The following AFF3 variants were observed in gnomAD, a reference collection of about 807,000 sequenced individuals.
The protein encoded by AFF3 is ALF transcription elongation factor 3.
A neutral mutation model predicts 129.7 loss-of-function variants in AFF3; 32 were observed. The ratio of observed to expected loss-of-function variants is 0.25; its 90% CI spans 0.19 to 0.33. The LOEUF (loss-of-function observed/expected upper bound fraction) is 0.33. Among genes scored for constraint, AFF3 ranks in the 10% least tolerant of loss-of-function variants. The pLI is 1.00. For synonymous variants in AFF3, 644 were observed against 635.4 expected (o/e 1.01, Z -0.20); for missense variants, 1,373 against 1,592.0 (o/e 0.86, Z 2.34).
At chr2:100,038,874 G>A (rs1337192757) in intron 4 of AFF3, among the ~76,000 whole-genome samples, 1 of 151,434 alleles carries the variant, frequency 6.6e-6, no homozygotes, top group Non-Finnish European at 1.5e-5. Flanking sequence ...AGGTGCCCAC[G>A]ACCACGCCCG....
intron 14 of AFF3, among the ~76,000 whole-genome samples, chr2:99,598,657 C>T (rs561536520): frequency 1.2e-4 from 19 of 152,292 alleles, no homozygotes; most frequent in South Asian, 1.0e-3. Flanking sequence ...GGAACAGAGG[C>T]GTTCTGCTTC....
chr2:100,011,039 C>A (rs1682483327), intron 4 of AFF3, among the ~76,000 whole-genome samples: 1 of 152,132 alleles, frequency 6.6e-6, no homozygotes, highest in African/African-American at 2.4e-5. Flanking sequence ...CTTTGGGAGG[C>A]CGAGATGGGT....
At chr2:99,729,104 T>C (rs1427132575) in intron 10 of AFF3, among the ~76,000 whole-genome samples, 7 of 152,328 alleles carry the variant, frequency 4.6e-5, no homozygotes, top group East Asian at 3.9e-4. Flanking sequence ...AACTGGTTAC[T>C]TTCCCCAGTC....
At position 99,565,100 on chromosome 2, in the gene AFF3, C is replaced by T. The variant is rs187581068; in HGVS notation, c.3119+387G>A. 1.6e-4 allele frequency among the ~76,000 whole-genome samples: 24 copies of T among 152,170 alleles called. No individual in the cohort carries two copies. In the East Asian group the frequency reaches 4.1e-3, roughly 26 times the overall value. The stretch of plus-strand genomic sequence containing the variant: ...CTCCTGAATGTTCTTCCATTAAATA[C>T]TCCAGAAGTATTTACTGATGGAGCT... On this transcript the variant is annotated intron_variant, in intron 20 of 24. Transcript: ENST00000672756.
chr2:99,844,513 C>T (rs1159236204), intron 7 of AFF3, among the ~76,000 whole-genome samples: 3 of 145,342 alleles, frequency 2.1e-5, no homozygotes, highest in Non-Finnish European at 4.5e-5. Flanking sequence ...TCTCGGCTCA[C>T]TGCAACCTCT....
intron 8 of AFF3, among the ~76,000 whole-genome samples, chr2:99,781,674 G>T (rs1684420511): frequency 6.6e-6 from 1 of 152,198 alleles, no homozygotes; most frequent in Non-Finnish European, 1.5e-5. Flanking sequence ...GAAAACGTTT[G>T]CTGGCTCGTT....
chr2:100,119,579 T>C (rs1691868432), intron 2 of AFF3, among the ~76,000 whole-genome samples: 1 of 152,252 alleles, frequency 6.6e-6, no homozygotes, highest in Admixed American at 6.5e-5. Context: ...TAGTTAATTA[T>C]GGCTTAATAG....
intron 8 of AFF3, among the ~76,000 whole-genome samples, chr2:99,814,805 G>C (rs1359443782): frequency 6.6e-6 from 1 of 151,876 alleles, no homozygotes; most frequent in African/African-American, 2.4e-5. Context: ...GGAAAAACTT[G>C]AAGTTTAGAG....
chr2:100,112,799 G>C (rs1691567295), intron 2 of AFF3, among the ~76,000 whole-genome samples: 1 of 144,936 alleles, frequency 6.9e-6, no homozygotes, highest in Non-Finnish European at 1.5e-5. Flanking sequence ...TAGAGCTACA[G>C]GCCCGAGGGC....
In AFF3 at chr2:99,928,418, T is replaced by C. The variant is rs753935895; in HGVS notation, c.873+78214A>G. ...ACTTGTTCCTTGAATACAAGCTCTT[T>C]GTCCTCACAGACAACTACAAGGGAA... On this transcript the variant is annotated intron_variant, in intron 7 of 24. Coordinates refer to ENST00000672756, the MANE Select transcript of AFF3 (RefSeq NM_001386135.1). Among the ~76,000 whole-genome samples, 50 of 152,310 alleles carry C rather than the reference T, an allele frequency of 3.3e-4. 1 individual carries two copies. The highest frequency in any genetic ancestry group is 1.2e-3 in the South Asian group (6 of 4,822).
chr2:99,624,693 T>C (rs1039383380), intron 13 of AFF3, among the ~76,000 whole-genome samples: 5 of 152,340 alleles, frequency 3.3e-5, no homozygotes, highest in Admixed American at 1.3e-4. Context: ...TTCTCCTTAA[T>C]GGCAGCAAGA....
At chr2:99,844,297 T>G (rs1035325660) in intron 7 of AFF3, among the ~76,000 whole-genome samples, 1 of 152,132 alleles carries the variant, frequency 6.6e-6, no homozygotes, top group Admixed American at 6.5e-5. Context: ...CAGGGGCATT[T>G]CGTACATTCA....
intron 10 of AFF3, among the ~76,000 whole-genome samples, chr2:99,739,524 T>C (rs938614409): frequency 2.0e-5 from 3 of 152,174 alleles, no homozygotes; most frequent in African/African-American, 7.2e-5. Flanking sequence ...TAGACATAAA[T>C]CATCCATGTT....
chr2:99,950,893 T>C (rs1676096816), intron 7 of AFF3, among the ~76,000 whole-genome samples: 1 of 152,190 alleles, frequency 6.6e-6, no homozygotes, highest in Non-Finnish European at 1.5e-5. Context: ...ATTAAGATAA[T>C]GAGACTACAT....
At chr2:100,137,560 G>C (rs62150272) in intron 1 of AFF3, among the ~76,000 whole-genome samples, 37,362 of 111,262 alleles carry the variant, frequency 0.34, 4,811 homozygotes, top group Non-Finnish European at 0.38. Flanking sequence ...CACACACACA[G>C]ACACACAGAG....
intron 7 of AFF3, among the ~76,000 whole-genome samples, chr2:99,863,118 T>C (rs940313430): frequency 5.9e-5 from 9 of 152,246 alleles, no homozygotes; most frequent in Non-Finnish European, 5.9e-5. Flanking sequence ...CTACTATTCA[T>C]TCCTTATGGC....
chr2:100,018,662 C>T (rs1683336757), intron 4 of AFF3, among the ~76,000 whole-genome samples: 1 of 151,884 alleles, frequency 6.6e-6, no homozygotes, highest in Admixed American at 6.6e-5. Flanking sequence ...ATAAAAGTGC[C>T]TTGGGATGAA....
chr2:100,026,764 A>G (rs1216951923), intron 4 of AFF3, among the ~76,000 whole-genome samples: 1 of 150,448 alleles, frequency 6.6e-6, no homozygotes, highest in Non-Finnish European at 1.5e-5. Flanking sequence ...AAAGGAATGA[A>G]TTAACGACAT....
chr2:100,055,462 TAA>T (rs55713850), intron 4 of AFF3, among the ~76,000 whole-genome samples: 64 of 128,468 alleles, frequency 5.0e-4, no homozygotes, highest in South Asian at 9.8e-4. Flanking sequence ...CTAGAAATCT[TAA>T]AAAAAAAAAA....
Sources: gnomAD v4.1 joint callset for allele counts (sites outside exome capture counted in the v4.1 genomes callset) on GRCh38, gnomAD v4.1.1 for gene constraint, MANE v1.5 for transcripts, NCBI Gene and HGNC (gene_info 2026-07-23, HGNC 2026-07-21) for gene names.